Variants in DOCK5 observed in about 807,000 individuals in gnomAD.
DOCK5 encodes the protein dedicator of cytokinesis protein 5.
DOCK5 carries 142 observed loss-of-function variants against 251.8 expected under a neutral mutation model. That is an observed-to-expected ratio of 0.56 (90% CI 0.49 to 0.65). The LOEUF (loss-of-function observed/expected upper bound fraction) is 0.65. Ranked by LOEUF, DOCK5 falls within the 30% of genes least tolerant of loss-of-function variation. The pLI, the probability that DOCK5 is intolerant of heterozygous loss-of-function variation, is 0.00. For synonymous variants in DOCK5, 842 were observed against 835.5 expected (o/e 1.01, Z -0.13); for missense variants, 2,111 against 2,312.3 (o/e 0.91, Z 1.79).
At chr8:25,249,584 G>A (rs1659192596) in intron 2 of DOCK5, among the ~76,000 whole-genome samples, 1 of 152,026 alleles carries the variant, frequency 6.6e-6, no homozygotes, top group African/African-American at 2.4e-5. Flanking sequence ...CCTTCATTTG[G>A]CATCAGGACT....
chr8:25,224,630 A>G (rs962027432), intron 1 of DOCK5, among the ~76,000 whole-genome samples: 4 of 152,234 alleles, frequency 2.6e-5, no homozygotes, highest in Admixed American at 1.3e-4. Context: ...GGTTGAGGGA[A>G]GATGGACTGC....
intron 2 of DOCK5, among the ~76,000 whole-genome samples, chr8:25,246,295 G>A (rs113910041): frequency 0.01 from 1,564 of 152,162 alleles, 33 homozygotes; most frequent in African/African-American, 0.036. Flanking sequence ...ATTTTTTGGA[G>A]ACAGAGTCTT....
intron 35 of DOCK5, among the ~76,000 whole-genome samples, chr8:25,373,243 A>T (rs1326959114): frequency 6.6e-6 from 1 of 151,710 alleles, no homozygotes; most frequent in East Asian, 1.9e-4. Context: ...CATGATCCAC[A>T]CGCCTCAGCC....
At chr8:25,298,590 T>A (rs1296708106) in intron 7 of DOCK5, among the ~76,000 whole-genome samples, 16 of 152,218 alleles carry the variant, frequency 1.1e-4, no homozygotes, top group African/African-American at 3.9e-4. Context: ...TTGTTTTTTG[T>A]TATTTATTGA....
chr8:25,383,284 TTC>T (rs1466286058), intron 40 of DOCK5, among the ~76,000 whole-genome samples: 4 of 152,222 alleles, frequency 2.6e-5, no homozygotes, highest in African/African-American at 7.2e-5. Context: ...TACGAAAAGT[TTC>T]TTTTAGAGCT....
chr8:25,373,733 C>A, intron 36 of DOCK5, 75 bp downstream of exon 36: 1 of 1,396,162 alleles, frequency 7.2e-7, no homozygotes, highest in Non-Finnish European at 9.8e-7. Flanking sequence ...TAAACAAATA[C>A]TTTCCCAACA....
chr8:25,362,852 A>G (rs1311063140), intron 28 of DOCK5, among the ~76,000 whole-genome samples, 195 bp from the exon 29 acceptor site: 1 of 152,130 alleles, frequency 6.6e-6, no homozygotes, highest in African/African-American at 2.4e-5. Context: ...ATAGGGTCCT[A>G]CAATATAAAA....
At chr8:25,193,981 T>A (rs758064138) in intron 1 of DOCK5, among the ~76,000 whole-genome samples, 26 of 151,954 alleles carry the variant, frequency 1.7e-4, no homozygotes, top group Non-Finnish European at 3.7e-4. Context: ...GGATCTACTG[T>A]AGTTTCACAA....
intron 5 of DOCK5, among the ~76,000 whole-genome samples, chr8:25,288,758 T>C (rs1804408560): frequency 6.6e-6 from 1 of 152,160 alleles, no homozygotes. Context: ...TTTCCAATTT[T>C]GAAGAAAATG....
intron 30 of DOCK5, among the ~76,000 whole-genome samples, chr8:25,365,951 T>C (rs1428063658): frequency 6.6e-6 from 1 of 152,214 alleles, no homozygotes; most frequent in Non-Finnish European, 1.5e-5. Flanking sequence ...GTATGTATAT[T>C]TGCCAAAATG....
At chr8:25,359,643 G>A (rs1326667850) in intron 28 of DOCK5, among the ~76,000 whole-genome samples, 1 of 152,138 alleles carries the variant, frequency 6.6e-6, no homozygotes, top group Non-Finnish European at 1.5e-5. Context: ...CTGCACATTC[G>A]AGGAATCTAG....
rs1044082252 is a variant in DOCK5 at position 25,404,268 on chromosome 8, C to A, written c.5093+544C>A. Reference sequence around the variant, plus strand: ...GAATTTTCTTTACTTTGCTTTTTTTCATTTAATATTATATCTTGAAACTCT... The same window carrying A: ...GAATTTTCTTTACTTTGCTTTTTTTAATTTAATATTATATCTTGAAACTCT... On this transcript the variant is annotated intron_variant, in intron 48 of 51. Transcript: ENST00000276440. 6.6e-5 allele frequency among the ~76,000 whole-genome samples: 10 copies of A among 152,116 alleles called. No individual in the cohort carries two copies. In the East Asian group the frequency reaches 1.7e-3, roughly 26 times the overall value.
At chr8:25,291,003 A>G (rs1056007835) in intron 5 of DOCK5, among the ~76,000 whole-genome samples, 1 of 152,200 alleles carries the variant, frequency 6.6e-6, no homozygotes, top group Non-Finnish European at 1.5e-5. Context: ...ACATATTGAG[A>G]GGATCTGGAG....
chr8:25,401,531 GA>G (rs1801438230), intron 47 of DOCK5, among the ~76,000 whole-genome samples: 1 of 152,080 alleles, frequency 6.6e-6, no homozygotes, highest in Non-Finnish European at 1.5e-5. Flanking sequence ...TCAGGAGTTC[GA>G]GACCAGCCTG....
intron 1 of DOCK5, among the ~76,000 whole-genome samples, chr8:25,187,788 C>T (rs1449092572): frequency 6.6e-6 from 1 of 152,170 alleles, no homozygotes; most frequent in South Asian, 2.1e-4. Context: ...CAGAGTCCCT[C>T]CTTTGGGACT....
chr8:25,269,394 A>C (rs948412068), intron 3 of DOCK5, among the ~76,000 whole-genome samples: 2 of 152,252 alleles, frequency 1.3e-5, no homozygotes, highest in African/African-American at 4.8e-5. Context: ...TTTTCCAAAA[A>C]ATGAAACCGA....
intron 6 of DOCK5, among the ~76,000 whole-genome samples, chr8:25,293,023 A>G (rs1418848191): frequency 6.6e-6 from 1 of 152,202 alleles, no homozygotes; most frequent in Non-Finnish European, 1.5e-5. Context: ...ACTCAGGCAC[A>G]TATCCAGGCT....
intron 2 of DOCK5, among the ~76,000 whole-genome samples, chr8:25,246,388 C>G (rs962287745): frequency 3.9e-5 from 6 of 152,146 alleles, no homozygotes; most frequent in Admixed American, 2.6e-4. Context: ...AGTCTCCTAC[C>G]TCAGCCTCCT....
rs1392116443 is a variant in DOCK5 at position 25,389,154 on chromosome 8, T to A, written c.4195T>A (p.Leu1399Ile). The A allele has an allele frequency of 1.4e-5, 22 of 1,613,900 alleles. No individual in the cohort carries two copies. Among genetic ancestry groups the A allele is most frequent in the Non-Finnish European group, 1.9e-5 (22 of 1,179,884 alleles). Residue 1399 changes from leucine to isoleucine, a missense_variant, in exon 41 of 52, where the codon TTA becomes ATA. Coordinates refer to ENST00000276440, the MANE Select transcript of DOCK5 (RefSeq NM_024940.8). ...ERREDFSLRL[L>I]TQFPNAEKMT... Reference sequence around the variant, plus strand: ...GCGAGAGGACTTCAGCCTGAGGTTGTTAACCCAGTTCCCCAATGCGGAGAA... The same window carrying A: ...GCGAGAGGACTTCAGCCTGAGGTTGATAACCCAGTTCCCCAATGCGGAGAA...
Sources: gnomAD v4.1 joint callset for allele counts (sites outside exome capture counted in the v4.1 genomes callset) on GRCh38, gnomAD v4.1.1 for gene constraint, MANE v1.5 for transcripts, NCBI Gene and HGNC (gene_info 2026-07-23, HGNC 2026-07-21) for gene names.